ADGRG7: variants seen among roughly 807,000 people sequenced by gnomAD.
ADGRG7 encodes the protein G-protein coupled receptor 128.
ADGRG7 carries 82 observed loss-of-function variants against 88.6 expected under a neutral mutation model. The observed-to-expected ratio is 0.93, with a 90% confidence interval of 0.77 to 1.11. The LOEUF is 1.11. ADGRG7 is among the 50% of genes most tolerant of loss of function. The pLI, the probability that ADGRG7 is intolerant of heterozygous loss-of-function variation, is 0.00. For missense variants in ADGRG7, 945 were observed against 953.4 expected (o/e 0.99, Z 0.12); for synonymous variants, 381 against 345.2 (o/e 1.10, Z -1.15).
chr3:100,693,017 A>G (rs2149045339), intron 15 of ADGRG7, among the ~76,000 whole-genome samples: 1 of 152,348 alleles, frequency 6.6e-6, no homozygotes, highest in South Asian at 2.1e-4. Flanking sequence ...GATATTACTT[A>G]GAAGGCACAA....
Position 100,694,824 on chromosome 3 carries a change from G to A in ADGRG7, c.2217G>A (p.Ser739=), listed in dbSNP as rs1385549698. 34 of 1,613,982 alleles carry A rather than the reference G, an allele frequency of 2.1e-5. No individual in the cohort carries two copies. Among genetic ancestry groups the A allele is most frequent in the East Asian group, 4.5e-5 (2 of 44,898 alleles). Residue 739 remains serine (S), a synonymous_variant, in exon 16 of 16, where the codon TCG becomes TCA. Coordinates refer to ENST00000273352, the MANE Select transcript of ADGRG7 (RefSeq NM_032787.3). ...CTTCCAAAGTGTTGATGTTGCTATC[G>A]TCTATTGGGAGAAGGAAGTCATTGC... is the stretch of plus-strand genomic sequence containing the variant. ...SEASKVLMLL[S]SIGRRKSLPS...
chr3:100,633,949 C>T (rs1314470976), intron 4 of ADGRG7, among the ~76,000 whole-genome samples: 7 of 152,142 alleles, frequency 4.6e-5, no homozygotes. Flanking sequence ...GAAGTTTTGA[C>T]TGGATATAGA....
intron 10 of ADGRG7, among the ~76,000 whole-genome samples, chr3:100,648,469 T>A (rs1164358882): frequency 6.6e-6 from 1 of 152,206 alleles, no homozygotes; most frequent in Non-Finnish European, 1.5e-5. Flanking sequence ...TTGTTTTTAT[T>A]TTATTTCTAT....
In ADGRG7 at chr3:100,665,859, A is replaced by G. The variant is rs2094951039; in HGVS notation, c.1980-3090A>G. On this transcript the variant is annotated intron_variant, in intron 14 of 15. Transcript: ENST00000273352. Reference sequence around the variant, plus strand: ...TAGACTATGGTTCATAAATTAGCCTAGTTATAATGACAAGCAGACTGTGAT... The same window carrying G: ...TAGACTATGGTTCATAAATTAGCCTGGTTATAATGACAAGCAGACTGTGAT... 2.6e-5 allele frequency among the ~76,000 whole-genome samples: 4 copies of G among 152,222 alleles called. No homozygotes were observed. The South Asian group carries it at 8.3e-4, about 32-fold the overall frequency.
chr3:100,685,491 C>A (rs2094980494), intron 15 of ADGRG7, among the ~76,000 whole-genome samples: 1 of 152,004 alleles, frequency 6.6e-6, no homozygotes, highest in Admixed American at 6.6e-5. Context: ...CGTCATTTAG[C>A]ATTAGGTATA....
At chr3:100,640,811 C>T (rs1298755973) in intron 6 of ADGRG7, among the ~76,000 whole-genome samples, 2 of 152,096 alleles carry the variant, frequency 1.3e-5, no homozygotes, top group Non-Finnish European at 2.9e-5. Context: ...CGTGAGCCAC[C>T]GCGACGGGCT....
At chr3:100,651,201 A>G (rs955973401) in intron 11 of ADGRG7, among the ~76,000 whole-genome samples, 11 of 152,318 alleles carry the variant, frequency 7.2e-5, no homozygotes, top group African/African-American at 2.6e-4. Flanking sequence ...ATAATCTCCC[A>G]TCTCTCATGA....
rs1261885432 is a variant in ADGRG7 at position 100,655,899 on chromosome 3, G to A, written c.1727G>A (p.Gly576Glu). The A allele has an allele frequency of 6.5e-7, 1 of 1,539,514 alleles. No homozygotes were observed. The highest frequency in any genetic ancestry group is 2.2e-5 in the East Asian group (1 of 44,490). Residue 576 changes from glycine (G) to glutamate (E), a missense_variant and splice_region_variant, in exon 13 of 16, where the codon GGA becomes GAA. Physicochemically the swap from Gly to Glu is moderately conservative, Grantham distance 98 (BLOSUM62 -2). Transcript: ENST00000273352. ...FILFISLIGW[G>E]VPAIVVAITV... ...TTATGTGCCTCTCTTTATCACATAG[G>A]AGTCCCAGCTATAGTAGTGGCTATA...
intron 1 of ADGRG7, among the ~76,000 whole-genome samples, chr3:100,617,517 G>A (rs529861377): frequency 0.011 from 1,718 of 152,086 alleles, 23 homozygotes; most frequent in African/African-American, 0.038. Context: ...ATGGTTTCCA[G>A]CTTCATCCAT....
In ADGRG7 at chr3:100,609,780, G is replaced by T; in HGVS notation, c.-77G>T. The T allele has an allele frequency of 9.3e-7, 1 of 1,078,718 alleles. No homozygotes were observed. The highest frequency in any genetic ancestry group is 1.4e-6 in the Non-Finnish European group (1 of 704,828). 66.8% of individuals were successfully genotyped at this position (1,078,718 alleles called of 1,614,324 possible). ...GTTTTTCTGTTTTAGAATAGTTTCC[G>T]ATTAAACTTTTTAGCTCAAGAAGAA... is the stretch of plus-strand genomic sequence containing the variant. On this transcript the variant is annotated 5_prime_UTR_variant, in exon 1 of 16. Transcript: ENST00000273352.
At chr3:100,673,717 A>G (rs1225313747) in intron 15 of ADGRG7, among the ~76,000 whole-genome samples, 4 of 152,094 alleles carry the variant, frequency 2.6e-5, no homozygotes, top group African/African-American at 9.7e-5. Context: ...TTGGCCTCCC[A>G]AAGTGTTGGG....
At chr3:100,665,169 A>T (rs2094950183) in intron 14 of ADGRG7, 6 of 539,288 alleles carry the variant, frequency 1.1e-5, no homozygotes, top group South Asian at 2.8e-5. Flanking sequence ...CTGCCAGCAT[A>T]TATCATTTGT....
chr3:100,649,598 G>C lies in ADGRG7; in HGVS notation c.1267-97G>C, dbSNP rs1049196036. ...CAAAAGGAAGATATATCTGGCAACT[G>C]TCTGGTTATTTTGACCCATGTAACT... On this transcript the variant is annotated intron_variant, in intron 10 of 15. Coordinates refer to ENST00000273352, the MANE Select transcript of ADGRG7 (RefSeq NM_032787.3). The C allele has an allele frequency of 1.1e-4, 69 of 621,538 alleles. 3 individuals are homozygous for C. In the South Asian group the frequency reaches 1.3e-3, roughly 12 times the overall value. 38.5% of individuals were successfully genotyped at this position (621,538 alleles called of 1,614,324 possible).
intron 1 of ADGRG7, among the ~76,000 whole-genome samples, chr3:100,610,311 C>T (rs899361353): frequency 4.6e-5 from 7 of 152,122 alleles, no homozygotes; most frequent in Non-Finnish European, 7.4e-5. Flanking sequence ...AAGGGTAAAT[C>T]GTTATGAACA....
chr3:100,635,537 C>A, intron 4 of ADGRG7, 140 bp from the exon 5 acceptor site: 1 of 1,457,504 alleles, frequency 6.9e-7, no homozygotes, highest in Non-Finnish European at 9.1e-7. Flanking sequence ...AGGAAGGATG[C>A]AAACGTGGAA....
intron 1 of ADGRG7, among the ~76,000 whole-genome samples, chr3:100,619,840 C>T (rs1707282443): frequency 6.6e-6 from 1 of 152,200 alleles, no homozygotes; most frequent in African/African-American, 2.4e-5. Flanking sequence ...CACGTACACT[C>T]TCCCAAGACT....
intron 1 of ADGRG7, among the ~76,000 whole-genome samples, chr3:100,628,639 A>C (rs1707416037): frequency 6.6e-6 from 1 of 152,170 alleles, no homozygotes; most frequent in Non-Finnish European, 1.5e-5. Context: ...TAGAGGTGTG[A>C]GCCACTGCAC....
chr3:100,635,937 G>A, intron 5 of ADGRG7, 111 bp downstream of exon 5: 1 of 832,124 alleles, frequency 1.2e-6, no homozygotes, highest in Non-Finnish European at 1.8e-6. Flanking sequence ...TATGGTTTGA[G>A]CATGGTTTAA....
intron 15 of ADGRG7, among the ~76,000 whole-genome samples, chr3:100,694,176 A>C (rs1161522925): frequency 6.6e-6 from 1 of 152,254 alleles, no homozygotes; most frequent in Non-Finnish European, 1.5e-5. Flanking sequence ...CAAGGGTCTG[A>C]TACTGATATG....
Sources: gnomAD v4.1 joint callset for allele counts (sites outside exome capture counted in the v4.1 genomes callset) on GRCh38, gnomAD v4.1.1 for gene constraint, MANE v1.5 for transcripts, NCBI Gene and HGNC (gene_info 2026-07-23, HGNC 2026-07-21) for gene names.